The following WIF1 variants were observed in gnomAD, a reference collection of about 807,000 sequenced individuals.
The protein encoded by WIF1 is Wnt inhibitory factor 1.
In WIF1, 35 loss-of-function variants were observed where a neutral mutation model predicts 53.5. That is an observed-to-expected ratio of 0.65 (90% CI 0.50 to 0.87). WIF1 has a LOEUF of 0.87. Among genes scored for constraint, WIF1 ranks in the 40% least tolerant of loss-of-function variants. WIF1 has a pLI of 0.00. For missense variants in WIF1, 467 were observed against 476.8 expected (o/e 0.98, Z 0.19); for synonymous variants, 171 against 170.4 (o/e 1.00, Z -0.03).
chr12:65,113,423 G>A (rs1307539675), intron 2 of WIF1, among the ~76,000 whole-genome samples: 3 of 151,964 alleles, frequency 2.0e-5, no homozygotes, highest in South Asian at 4.2e-4. Flanking sequence ...TTATTTGTGC[G>A]AGCAATTTAG....
intron 2 of WIF1, among the ~76,000 whole-genome samples, chr12:65,092,792 A>AG (rs1277830093): frequency 6.6e-6 from 1 of 152,074 alleles, no homozygotes; most frequent in Non-Finnish European, 1.5e-5. Context: ...CCTTAACCCA[A>AG]GGAAAGCTGT....
intron 2 of WIF1, among the ~76,000 whole-genome samples, chr12:65,100,901 T>TAA (rs903912612): frequency 1.3e-5 from 2 of 150,794 alleles, no homozygotes; most frequent in Non-Finnish European, 3.0e-5. Flanking sequence ...TGTAGCCACT[T>TAA]AAAAAAAAAC....
chr12:65,053,478 A>T (rs1442571159), intron 9 of WIF1, among the ~76,000 whole-genome samples: 1 of 152,176 alleles, frequency 6.6e-6, no homozygotes, highest in East Asian at 1.9e-4. Context: ...GAGATCTGAC[A>T]GTTTTATAAG....
intron 2 of WIF1, among the ~76,000 whole-genome samples, chr12:65,115,887 C>G (rs1025914912): frequency 6.6e-6 from 1 of 152,044 alleles, no homozygotes. Flanking sequence ...TCTTTGGTCT[C>G]CATAGTTACG....
At chr12:65,106,371 A>AT (rs1237444627) in intron 2 of WIF1, among the ~76,000 whole-genome samples, 125 of 139,732 alleles carry the variant, frequency 8.9e-4, no homozygotes, top group East Asian at 5.3e-3. Context: ...ATATATATAT[A>AT]TATTTTTTTT....
chr12:65,055,077 A>G (rs755784983), intron 9 of WIF1, 41 bp downstream of exon 9: 6 of 1,599,930 alleles, frequency 3.8e-6, no homozygotes, highest in Non-Finnish European at 5.1e-6. Flanking sequence ...TTTTATTTTT[A>G]TTTTTTTCCT....
intron 2 of WIF1, among the ~76,000 whole-genome samples, chr12:65,111,848 T>C (rs1443163695): frequency 6.6e-6 from 1 of 152,234 alleles, no homozygotes; most frequent in Non-Finnish European, 1.5e-5. Flanking sequence ...CTCCTGCCAC[T>C]GTCCCTTTGT....
Position 65,120,648 on chromosome 12 carries a change from T to C in WIF1, c.149-92A>G, listed in dbSNP as rs151301527. The C allele has an allele frequency of 1.5e-4, 218 of 1,440,336 alleles. No individual in the cohort carries two copies. In the African/African-American group the frequency reaches 3.0e-3, roughly 20 times the overall value. The allele number at this position is 1,440,336 out of a possible 1,614,324, so 89.2% of individuals were successfully genotyped here. ...AGCAAAAAGAAAACCAAAGAATTAG[T>C]GTGGGTCATTTCTGTTCACAAGCAT... is the stretch of plus-strand genomic sequence containing the variant. On this transcript the variant is annotated intron_variant, in intron 1 of 9. Transcript: ENST00000286574.
chr12:65,060,054 A>T (rs1218342905), intron 7 of WIF1, among the ~76,000 whole-genome samples: 1 of 152,162 alleles, frequency 6.6e-6, no homozygotes, highest in African/African-American at 2.4e-5. Context: ...AGAGCCAGCA[A>T]TGAGTGCTGG....
chr12:65,112,174 C>T (rs975594545), intron 2 of WIF1, among the ~76,000 whole-genome samples: 1 of 152,222 alleles, frequency 6.6e-6, no homozygotes, highest in South Asian at 2.1e-4. Flanking sequence ...ACTTAAGGAT[C>T]ACTTGCCAAC....
At chr12:65,086,799 G>A (rs1470239810) in intron 2 of WIF1, among the ~76,000 whole-genome samples, 1 of 151,030 alleles carries the variant, frequency 6.6e-6, no homozygotes, top group Non-Finnish European at 1.5e-5. Context: ...TCTGTATGAA[G>A]GGAAAAGAGA....
chr12:65,061,555 G>A (rs1882612467), intron 7 of WIF1, among the ~76,000 whole-genome samples: 1 of 152,194 alleles, frequency 6.6e-6, no homozygotes, highest in Admixed American at 6.5e-5. Context: ...CTGAGTTAAA[G>A]AGAGAGGCTA....
rs758867712 is a variant in WIF1 at position 65,051,351 on chromosome 12, AC to A, written c.1137del (p.Trp379CysfsTer19). On this transcript the variant is annotated frameshift_variant, in exon 10 of 10. Coordinates refer to ENST00000286574, the MANE Select transcript of WIF1 (RefSeq NM_007191.5). LOFTEE classifies it high-confidence loss of function. ...RRDPPESNYI[W>X] ...TAAAACGTTTCAGATGTCGGAGTTC[AC>A]CAGATGTAATTGGATTCAGGTGGAT... is the stretch of plus-strand genomic sequence containing the variant. 6.2e-7 allele frequency: 1 copy of A among 1,612,836 alleles called. No homozygotes were observed. Among genetic ancestry groups the A allele is most frequent in the Non-Finnish European group, 8.5e-7 (1 of 1,179,518 alleles).
At chr12:65,056,204 C>T (rs1882523559) in intron 7 of WIF1, 78 bp from the exon 8 acceptor site, 1 of 1,385,356 alleles carries the variant, frequency 7.2e-7, no homozygotes, top group Admixed American at 1.9e-5. Flanking sequence ...AAAGGAATTA[C>T]AAGGCTTTGA....
chr12:65,068,826 G>A lies in WIF1; in HGVS notation c.476C>T (p.Ser159Phe). Residue 159 changes from serine (S) to phenylalanine (F), a missense_variant, in exon 4 of 10, where the codon TCT (serine) becomes TTT (phenylalanine). Physicochemically the swap from Ser to Phe is radical, Grantham distance 155. Transcript: ENST00000286574. ...TGTTTGGAGAATGGTGTTGCCTTCA[G>A]AATTCATAACAATCACATCCACTTC... ...AFEVDVIVMNSEGNTILQTPQ... is the reference protein window; with the variant it reads ...AFEVDVIVMNFEGNTILQTPQ... 1 of 1,613,710 alleles carries A rather than the reference G, an allele frequency of 6.2e-7. No individual in the cohort carries two copies. The highest frequency in any genetic ancestry group is 8.5e-7 in the Non-Finnish European group (1 of 1,179,750).
At chr12:65,076,527 C>A (rs1022757678) in intron 3 of WIF1, among the ~76,000 whole-genome samples, 2 of 152,106 alleles carry the variant, frequency 1.3e-5, no homozygotes, top group Non-Finnish European at 2.9e-5. Context: ...TAGTTCCTAT[C>A]ATTTGACACA....
chr12:65,120,758 GA>G, intron 1 of WIF1: 1 of 798,842 alleles, frequency 1.3e-6, no homozygotes, highest in South Asian at 2.2e-5. Context: ...TGCTTTCAGG[GA>G]AAAGGGATGG....
At position 65,121,058 on chromosome 12, in the gene WIF1, G is replaced by A; in HGVS notation, c.134C>T (p.Ala45Val). 1 of 1,531,654 alleles carries A rather than the reference G, an allele frequency of 6.5e-7. No homozygotes were observed. The highest frequency in any genetic ancestry group is 8.8e-7 in the Non-Finnish European group (1 of 1,135,762). 94.9% of individuals were successfully genotyped at this position (1,531,654 alleles called of 1,614,324 possible). Residue 45 changes from alanine to valine, a missense_variant, in exon 1 of 10, where the codon GCA becomes GTA. Physicochemically the swap from Ala to Val is moderately conservative, Grantham distance 64 (BLOSUM62 0). Transcript: ENST00000286574. ...SLYLWIDAHQ[A>V]RVLIGFEEDI... Reference sequence around the variant, plus strand: ...GGGGGCCTTACCTATGAGTACTCTTGCCTGGTGAGCATCGATCCATAGGTA... The same window carrying A: ...GGGGGCCTTACCTATGAGTACTCTTACCTGGTGAGCATCGATCCATAGGTA...
chr12:65,066,173 C>A (rs189834020), intron 6 of WIF1, among the ~76,000 whole-genome samples: 20 of 152,334 alleles, frequency 1.3e-4, no homozygotes, highest in Admixed American at 7.2e-4. Context: ...GGCAACATTT[C>A]TTCTGCCTGA....
Sources: gnomAD v4.1 joint callset for allele counts (sites outside exome capture counted in the v4.1 genomes callset) on GRCh38, gnomAD v4.1.1 for gene constraint, MANE v1.5 for transcripts, NCBI Gene and HGNC (gene_info 2026-07-23, HGNC 2026-07-21) for gene names.